ANO6: variants seen among roughly 807,000 people sequenced by gnomAD.
ANO6 encodes the protein anoctamin 6.
In ANO6, 106 loss-of-function variants were observed where a neutral mutation model predicts 117.5. That is an observed-to-expected ratio of 0.90 (90% CI 0.77 to 1.06). The LOEUF (loss-of-function observed/expected upper bound fraction) is 1.06. Ranked by LOEUF, ANO6 falls within the 50% of genes least tolerant of loss-of-function variation. The pLI is 0.00. For synonymous variants in ANO6, 367 were observed against 385.1 expected (o/e 0.95, Z 0.55); for missense variants, 955 against 1,121.1 (o/e 0.85, Z 2.12).
intron 1 of ANO6, among the ~76,000 whole-genome samples, chr12:45,276,366 G>T (rs973689847): frequency 2.6e-5 from 4 of 152,132 alleles, no homozygotes; most frequent in Admixed American, 1.3e-4. Context: ...ACCTGTCAGT[G>T]TTTACCTCAC....
chr12:45,236,075 G>C lies in ANO6; in HGVS notation c.70+19684G>C, dbSNP rs555508280. Among the ~76,000 whole-genome samples, 86 of 152,314 alleles carry C rather than the reference G, an allele frequency of 5.6e-4. 1 individual carries two copies. Among genetic ancestry groups the C allele is most frequent in the African/African-American group, 2.1e-3 (86 of 41,568 alleles). On this transcript the variant is annotated intron_variant, in intron 1 of 19. Coordinates refer to ENST00000320560, the MANE Select transcript of ANO6 (RefSeq NM_001025356.3). ...GAAATTAGTTACAGGTGCATGCATA[G>C]GCAAAATAGCCCCAATCCTGTTGTG...
At chr12:45,300,586 C>G (rs1384564574) in intron 1 of ANO6, among the ~76,000 whole-genome samples, 1 of 152,148 alleles carries the variant, frequency 6.6e-6, no homozygotes, top group Non-Finnish European at 1.5e-5. Context: ...GTTGAGGACC[C>G]TATATTGCTA....
intron 1 of ANO6, among the ~76,000 whole-genome samples, chr12:45,241,504 T>G (rs532735777): frequency 4.1e-4 from 63 of 152,236 alleles, no homozygotes; most frequent in Non-Finnish European, 5.4e-4. Flanking sequence ...ACATAAACTT[T>G]TAGCTCAGAG....
chr12:45,371,141 C>T (rs770673822), intron 9 of ANO6, among the ~76,000 whole-genome samples: 7 of 152,294 alleles, frequency 4.6e-5, no homozygotes, highest in South Asian at 4.1e-4. Context: ...CCGAATACTG[C>T]GCTTTTCTGA....
chr12:45,270,504 C>T (rs1436914410), intron 1 of ANO6: 1 of 1,319,930 alleles, frequency 7.6e-7, no homozygotes, highest in East Asian at 2.6e-5. Flanking sequence ...ACTCCTCATA[C>T]TCACCTCCCA....
chr12:45,348,741 G>A (rs980978255), intron 6 of ANO6, 110 bp downstream of exon 6: 1 of 815,958 alleles, frequency 1.2e-6, no homozygotes, highest in Non-Finnish European at 2.1e-6. Flanking sequence ...TAAAATGAAG[G>A]GAACATACTG....
intron 1 of ANO6, among the ~76,000 whole-genome samples, chr12:45,255,816 G>A (rs1403745153): frequency 2.0e-5 from 2 of 100,226 alleles, no homozygotes; most frequent in Non-Finnish European, 3.6e-5. Flanking sequence ...TTCTCCCTGG[G>A]TGTTTTTTTT....
At chr12:45,382,706 T>C (rs190319962) in intron 10 of ANO6, among the ~76,000 whole-genome samples, 1 of 152,334 alleles carries the variant, frequency 6.6e-6, no homozygotes, top group Non-Finnish European at 1.5e-5. Flanking sequence ...TCAGTGCATA[T>C]AAAAGTTATG....
intron 1 of ANO6, among the ~76,000 whole-genome samples, chr12:45,269,421 C>G (rs12810396): frequency 6.6e-6 from 1 of 152,166 alleles, no homozygotes; most frequent in East Asian, 1.9e-4. Context: ...AGCTTATGCC[C>G]TTATTAGTGT....
chr12:45,300,400 A>G (rs1367864359), intron 1 of ANO6, among the ~76,000 whole-genome samples: 1 of 152,188 alleles, frequency 6.6e-6, no homozygotes, highest in East Asian at 1.9e-4. Context: ...GCTGGTCTCA[A>G]ACTCCTGGGC....
intron 1 of ANO6, among the ~76,000 whole-genome samples, chr12:45,247,301 A>G (rs940892127): frequency 2.0e-5 from 3 of 152,226 alleles, no homozygotes; most frequent in Non-Finnish European, 4.4e-5. Context: ...AAAACTAAGA[A>G]GGTGCATAAA....
At chr12:45,334,155 C>A (rs1019879589) in intron 3 of ANO6, among the ~76,000 whole-genome samples, 1 of 151,954 alleles carries the variant, frequency 6.6e-6, no homozygotes, top group Non-Finnish European at 1.5e-5. Flanking sequence ...AAGCATAAAC[C>A]ATTTACATTT....
At chr12:45,425,641 T>G (rs566644264) in intron 19 of ANO6, among the ~76,000 whole-genome samples, 10 of 152,326 alleles carry the variant, frequency 6.6e-5, no homozygotes, top group African/African-American at 2.4e-4. Context: ...TTTGAAATAT[T>G]TCTACAATGA....
intron 3 of ANO6, among the ~76,000 whole-genome samples, chr12:45,334,712 G>A (rs926730162): frequency 1.3e-5 from 2 of 152,030 alleles, no homozygotes; most frequent in African/African-American, 4.8e-5. Context: ...ATAAAGAGGG[G>A]AGAATGGCTG....
chr12:45,268,060 G>T (rs1238407), intron 1 of ANO6, among the ~76,000 whole-genome samples: 143,633 of 152,312 alleles, frequency 0.94, 68,316 homozygotes, highest in East Asian at 1. Context: ...TAGTGTGTCA[G>T]AGAGAGTACA....
chr12:45,265,004 C>G (rs766985566), intron 1 of ANO6, among the ~76,000 whole-genome samples: 41 of 152,148 alleles, frequency 2.7e-4, no homozygotes, highest in Admixed American at 6.5e-4. Context: ...TTATCAGGCT[C>G]TGTCATTTAT....
chr12:45,331,980 T>C (rs930615034), intron 3 of ANO6, among the ~76,000 whole-genome samples: 2 of 152,064 alleles, frequency 1.3e-5, no homozygotes, highest in African/African-American at 2.4e-5. Context: ...TGGAGACTGC[T>C]CTTGACCTCG....
chr12:45,421,475 T>A (rs1328590676), intron 18 of ANO6, among the ~76,000 whole-genome samples: 2 of 152,188 alleles, frequency 1.3e-5, no homozygotes, highest in African/African-American at 4.8e-5. Context: ...TCAGAAAATG[T>A]ATATATATGT....
At position 45,231,220 on chromosome 12, in the gene ANO6, T is replaced by C. The variant is rs552569293; in HGVS notation, c.70+14829T>C. On this transcript the variant is annotated intron_variant, in intron 1 of 19. Transcript: ENST00000320560. ...TATAACTTATTAAAAGAGATTAATA[T>C]AATACCAGGCAAAATGAACACACAA... Among the ~76,000 whole-genome samples the C allele has an allele frequency of 2.6e-5, 4 of 152,380 alleles. No homozygotes were observed. The South Asian group carries it at 6.2e-4, about 24-fold the overall frequency.
Sources: gnomAD v4.1 joint callset for allele counts (sites outside exome capture counted in the v4.1 genomes callset) on GRCh38, gnomAD v4.1.1 for gene constraint, MANE v1.5 for transcripts, NCBI Gene and HGNC (gene_info 2026-07-23, HGNC 2026-07-21) for gene names.